EED: variants seen among roughly 807,000 people sequenced by gnomAD.
The protein encoded by EED is embryonic ectoderm development.
A neutral mutation model predicts 61.0 loss-of-function variants in EED; 9 were observed. The ratio of observed to expected loss-of-function variants is 0.15; its 90% CI spans 0.09 to 0.26. The LOEUF is 0.26. EED is among the 10% of genes least tolerant of loss of function. EED has a pLI of 1.00. For synonymous variants in EED, 187 were observed against 174.4 expected, an observed-to-expected ratio of 1.07 and a Z score of -0.57; for missense variants, 315 against 542.3, an observed-to-expected ratio of 0.58 and a Z score of 4.16.
At chr11:86,278,015 C>A (rs755110057) in intron 11 of EED, 24 bp downstream of exon 11, 5 of 1,487,174 alleles carry the variant, frequency 3.4e-6, no homozygotes, top group South Asian at 3.0e-5. Context: ...AATTTCTGTT[C>A]AAAATTTCAG....
At chr11:86,258,053 G>C (rs1428698571) in intron 6 of EED, among the ~76,000 whole-genome samples, 1 of 151,970 alleles carries the variant, frequency 6.6e-6, no homozygotes, top group African/African-American at 2.4e-5. Flanking sequence ...TTTATTTTAA[G>C]TCTAGTATCT....
intron 5 of EED, among the ~76,000 whole-genome samples, chr11:86,257,127 C>T (rs1387907705): frequency 2.6e-5 from 4 of 151,602 alleles, no homozygotes. Context: ...AGCCCGTCTC[C>T]TGGGCTCAAG....
chr11:86,270,298 T>G (rs2138211896), intron 9 of EED: 1 of 430,352 alleles, frequency 2.3e-6, no homozygotes, highest in East Asian at 3.5e-5. Context: ...ATATCCTTTT[T>G]GGTGATGTCT....
At chr11:86,245,749 TTGTCACTC>T (rs1451279839) in intron 1 of EED, among the ~76,000 whole-genome samples, 1 of 152,058 alleles carries the variant, frequency 6.6e-6, no homozygotes, top group East Asian at 1.9e-4. Flanking sequence ...AGCGTAAGGG[TTGTCACTC>T]TAAGACCCTT....
chr11:86,264,140 A>C (rs1347975539), intron 6 of EED, 32 bp from the exon 7 acceptor site: 2 of 1,543,520 alleles, frequency 1.3e-6, no homozygotes, highest in Admixed American at 3.4e-5. Flanking sequence ...TAAATAAAAA[A>C]CATTCGCCTA....
downstream of EED, among the ~76,000 whole-genome samples, chr11:86,279,239 A>G (rs1404841137): frequency 6.6e-6 from 1 of 152,104 alleles, no homozygotes; most frequent in African/African-American, 2.4e-5. Context: ...CTGCCATTAG[A>G]TTTGGAACTA....
At chr11:86,265,256 G>A (rs1164731298) in intron 7 of EED, 1 of 152,158 alleles carries the variant, frequency 6.6e-6, no homozygotes, top group Non-Finnish European at 1.5e-5. Context: ...CATAATTAAT[G>A]CAAAGGCTGG....
chr11:86,276,225 A>G (rs934640226), intron 9 of EED: 3 of 152,194 alleles, frequency 2.0e-5, no homozygotes, highest in Non-Finnish European at 4.4e-5. Context: ...AATAGTGCCC[A>G]CAGTTTTGCA....
chr11:86,280,826 T>C (rs1244505262), downstream of EED, among the ~76,000 whole-genome samples: 1 of 152,254 alleles, frequency 6.6e-6, no homozygotes, highest in Non-Finnish European at 1.5e-5. Flanking sequence ...CTTTATTGTG[T>C]TGAGGAACAT....
chr11:86,245,092 A>T lies in EED; in HGVS notation c.-138A>T, dbSNP rs563019631. ...ACGCCCGCCTCGGCGGCTGGGCGCG[A>T]TTTGCGACAGTGGGGGGGGCGGTGG... On this transcript the variant is annotated 5_prime_UTR_variant, in exon 1 of 12. Coordinates refer to ENST00000263360, the MANE Select transcript of EED (RefSeq NM_003797.5). 13 of 606,304 alleles carry T rather than the reference A, an allele frequency of 2.1e-5. No homozygotes were observed. In the South Asian group the frequency reaches 2.4e-4, roughly 11 times the overall value. 37.6% of individuals were successfully genotyped at this position (606,304 alleles called of 1,614,324 possible). A position where few individuals can be genotyped will look rare whatever the true frequency, so the allele number is the denominator to read the frequency against.
At chr11:86,275,760 G>C (rs1249710189) in intron 9 of EED, among the ~76,000 whole-genome samples, 1 of 152,206 alleles carries the variant, frequency 6.6e-6, no homozygotes, top group Non-Finnish European at 1.5e-5. Flanking sequence ...AAACTCCACA[G>C]ACTATTGATC....
chr11:86,281,175 T>G (rs1459649271), downstream of EED, among the ~76,000 whole-genome samples: 1 of 152,236 alleles, frequency 6.6e-6, no homozygotes, highest in African/African-American at 2.4e-5. Flanking sequence ...CCTCGTAAGA[T>G]GAGTTTGGAA....
At chr11:86,272,321 G>T (rs370368369) in intron 9 of EED, among the ~76,000 whole-genome samples, 1 of 151,494 alleles carries the variant, frequency 6.6e-6, no homozygotes, top group African/African-American at 2.4e-5. Context: ...GCCTCCCGAC[G>T]TGCTGGGGTT....
At chr11:86,272,170 G>A (rs1565703084) in intron 9 of EED, among the ~76,000 whole-genome samples, 2 of 140,448 alleles carry the variant, frequency 1.4e-5, no homozygotes, top group African/African-American at 2.7e-5. Flanking sequence ...CCATTCTCCT[G>A]CCTTAGCCTC....
At chr11:86,252,757 T>A (rs1435414033) in intron 3 of EED, among the ~76,000 whole-genome samples, 7 of 151,988 alleles carry the variant, frequency 4.6e-5, no homozygotes, top group Admixed American at 4.6e-4. Context: ...GTTGTTGTTG[T>A]TGTTGTTGTT....
chr11:86,255,012 A>G (rs1945634054), intron 3 of EED, among the ~76,000 whole-genome samples: 1 of 152,272 alleles, frequency 6.6e-6, no homozygotes, highest in African/African-American at 2.4e-5. Context: ...GGAAATCGAA[A>G]CGACTATTAC....
In EED at chr11:86,257,497, G is replaced by A; in HGVS notation, c.553-18G>A. 6.3e-7 allele frequency: 1 copy of A among 1,579,532 alleles called. No homozygotes were observed. The highest frequency in any genetic ancestry group is 8.6e-7 in the Non-Finnish European group (1 of 1,165,878). On this transcript the variant is annotated intron_variant, in intron 5 of 11. Transcript: ENST00000263360. ...GATTTTGAGATAGGAAACTTGAAATGTTTTAAATTTATTGTAGCACTATGT... is the reference window on the plus strand; with the variant it reads ...GATTTTGAGATAGGAAACTTGAAATATTTTAAATTTATTGTAGCACTATGT...
intron 2 of EED, 96 bp downstream of exon 2, chr11:86,250,544 G>C (rs549688551): frequency 7.7e-7 from 1 of 1,291,356 alleles, no homozygotes; most frequent in Non-Finnish European, 1.0e-6. Context: ...CTGTCAAGTT[G>C]TAAATATTTT....
Position 86,250,331 on chromosome 11 carries a change from T to C in EED, c.150T>C (p.Thr50=). 3 of 1,603,012 alleles carry C rather than the reference T, an allele frequency of 1.9e-6. No homozygotes were observed. Among genetic ancestry groups the C allele is most frequent in the Non-Finnish European group, 2.6e-6 (3 of 1,175,682 alleles). ...TCAGTATAGAAAGTGGTACAAACAC[T>C]GAACGCCCTGATACACCTACAAACA... ...DAVSIESGTN[T]ERPDTPTNTP... is the part of the protein sequence containing the mutation. Residue 50 remains threonine, a synonymous_variant, in exon 2 of 12, where the codon ACT becomes ACC. Transcript: ENST00000263360.
Sources: allele counts gnomAD v4.1 joint callset (sites outside exome capture counted in the v4.1 genomes callset), GRCh38; gene constraint gnomAD v4.1.1; transcripts MANE v1.5; gene names NCBI Gene and HGNC (gene_info 2026-07-23, HGNC 2026-07-21).